LAMA3: variants seen among roughly 807,000 people sequenced by gnomAD.
LAMA3 encodes laminin subunit alpha 3.
LAMA3 carries 281 observed loss-of-function variants against 402.0 expected under a neutral mutation model. The observed-to-expected ratio is 0.70, with a 90% CI of 0.63 to 0.77. The LOEUF is 0.77. LAMA3 is among the 30% of genes least tolerant of loss of function. The pLI, the probability that LAMA3 is intolerant of heterozygous loss-of-function variation, is 0.00. For synonymous variants in LAMA3, 1,431 were observed against 1,558.4 expected, an observed-to-expected ratio of 0.92 and a Z score of 1.93; for missense variants, 3,840 against 4,215.5, an observed-to-expected ratio of 0.91 and a Z score of 2.47.
At chr18:23,846,848 C>T (rs1387259228) in intron 31 of LAMA3, among the ~76,000 whole-genome samples, 5 of 152,222 alleles carry the variant, frequency 3.3e-5, no homozygotes, top group East Asian at 3.9e-4. Flanking sequence ...TGATCCCCTT[C>T]GTCACAGAAG....
At chr18:23,748,931 G>A (rs2061698432) in intron 3 of LAMA3, among the ~76,000 whole-genome samples, 1 of 152,198 alleles carries the variant, frequency 6.6e-6, no homozygotes, top group Non-Finnish European at 1.5e-5. Context: ...CCTGTAAGAT[G>A]GTAGAAGCTG....
rs542838924 is a variant in LAMA3, at chr18:23,937,661, C to T, written c.8863-1562C>T. On this transcript the variant is annotated intron_variant, in intron 67 of 74. Transcript: ENST00000313654. ...TCTTGATGCTTATGCTGCTGACACACGGAGAAGACTCCAGAGAGGGAGCAA... is the reference window on the plus strand; with the variant it reads ...TCTTGATGCTTATGCTGCTGACACATGGAGAAGACTCCAGAGAGGGAGCAA... Among the ~76,000 whole-genome samples the T allele has an allele frequency of 5.9e-5, 9 of 152,216 alleles. No individual in the cohort carries two copies. In the South Asian group the frequency reaches 6.2e-4, roughly 11 times the overall value.
At chr18:23,901,007 C>T in intron 47 of LAMA3, 120 bp from the exon 48 acceptor site, 2 of 896,158 alleles carry the variant, frequency 2.2e-6, no homozygotes, top group East Asian at 2.6e-5. Flanking sequence ...TTCCCATCCC[C>T]TCCAAAGTTC....
chr18:23,725,114 CTT>C (rs200486038), intron 2 of LAMA3, among the ~76,000 whole-genome samples: 3 of 145,606 alleles, frequency 2.1e-5, no homozygotes, highest in African/African-American at 2.5e-5. Flanking sequence ...ACTCACCATT[CTT>C]TTTTTTTTTT....
intron 2 of LAMA3, among the ~76,000 whole-genome samples, chr18:23,724,426 T>G (rs1324349491): frequency 6.6e-6 from 1 of 152,192 alleles, no homozygotes; most frequent in Non-Finnish European, 1.5e-5. Context: ...GTTTTCCTGA[T>G]GTCCTCTGTC....
chr18:23,710,036 G>A (rs1282876763), intron 1 of LAMA3: 6 of 770,280 alleles, frequency 7.8e-6, no homozygotes, highest in South Asian at 1.3e-5. Context: ...TCTTCATGGC[G>A]GACTCAGTGG....
At chr18:23,872,354 C>T (rs571360448) in intron 38 of LAMA3, among the ~76,000 whole-genome samples, 2 of 152,244 alleles carry the variant, frequency 1.3e-5, no homozygotes, top group African/African-American at 2.4e-5. Flanking sequence ...TAAAATGTGC[C>T]ATAAAATGAA....
At chr18:23,739,464 T>C (rs143684288) in intron 2 of LAMA3, among the ~76,000 whole-genome samples, 34 of 152,300 alleles carry the variant, frequency 2.2e-4, no homozygotes, top group Middle Eastern at 3.4e-3. Context: ...GTCAAAAACG[T>C]TTCTGAAGTG....
chr18:23,710,498 A>G (rs964932670), intron 1 of LAMA3, among the ~76,000 whole-genome samples: 1 of 152,228 alleles, frequency 6.6e-6, no homozygotes, highest in Non-Finnish European at 1.5e-5. Context: ...TTAATTCTCC[A>G]TGAAGAGCTC....
At chr18:23,814,062 C>T (rs2063129580) in intron 14 of LAMA3, among the ~76,000 whole-genome samples, 1 of 152,182 alleles carries the variant, frequency 6.6e-6, no homozygotes, top group African/African-American at 2.4e-5. Context: ...GTTAAATATT[C>T]AGACATTTTT....
intron 8 of LAMA3, among the ~76,000 whole-genome samples, chr18:23,772,794 A>G (rs950081625): frequency 2.6e-5 from 4 of 152,164 alleles, no homozygotes; most frequent in African/African-American, 4.8e-5. Flanking sequence ...TTGTCCTCCT[A>G]ATTATTCCCA....
chr18:23,901,030 G>A, intron 47 of LAMA3, 97 bp from the exon 48 acceptor site: 3 of 1,109,942 alleles, frequency 2.7e-6, no homozygotes, highest in Non-Finnish European at 4.1e-6. Context: ...GGAAAACCAT[G>A]AAATGAGTAG....
chr18:23,739,146 C>T (rs986418739), intron 2 of LAMA3, among the ~76,000 whole-genome samples: 5 of 152,186 alleles, frequency 3.3e-5, no homozygotes, highest in African/African-American at 1.2e-4. Context: ...GTTGGTGCCT[C>T]TGCAGATGCA....
intron 1 of LAMA3, among the ~76,000 whole-genome samples, chr18:23,701,420 C>T (rs2060787523): frequency 1.3e-5 from 2 of 152,232 alleles, no homozygotes; most frequent in Admixed American, 6.6e-5. Flanking sequence ...GTAGAAGAAG[C>T]GAGTCTAGAT....
At position 23,895,802 on chromosome 18, in the gene LAMA3, T is replaced by A. The variant is rs532765928; in HGVS notation, c.5613+744T>A. Among the ~76,000 whole-genome samples the A allele has an allele frequency of 1.7e-3, 257 of 152,318 alleles. 1 individual carries two copies. The highest frequency in any genetic ancestry group is 5.9e-3 in the African/African-American group (246 of 41,574). On this transcript the variant is annotated intron_variant, in intron 44 of 74. Coordinates refer to ENST00000313654, the MANE Select transcript of LAMA3 (RefSeq NM_198129.4). Reference sequence around the variant, plus strand: ...ATTGATTTCTGTTCTTATCCTTTTTTTTTCCTTCCTTGTGCTTGCTTTGGG... The same window carrying A: ...ATTGATTTCTGTTCTTATCCTTTTTATTTCCTTCCTTGTGCTTGCTTTGGG...
intron 42 of LAMA3, among the ~76,000 whole-genome samples, chr18:23,890,604 G>A (rs758877860): frequency 2.0e-5 from 3 of 152,106 alleles, no homozygotes; most frequent in Non-Finnish European, 2.9e-5. Context: ...AGTTAGTATG[G>A]TTTATTAGGA....
chr18:23,697,706 C>T (rs7236794), intron 1 of LAMA3, among the ~76,000 whole-genome samples: 20 of 127,246 alleles, frequency 1.6e-4, no homozygotes, highest in South Asian at 2.8e-4. Context: ...ACCCGCCCCC[C>T]GCCCCAAAAA....
At chr18:23,909,385 C>T (rs965631913) in intron 55 of LAMA3, 90 bp downstream of exon 55, 6 of 1,228,952 alleles carry the variant, frequency 4.9e-6, no homozygotes, top group Non-Finnish European at 7.1e-6. Context: ...CTTATTTACT[C>T]AAGAATTGGT....
chr18:23,888,862 G>A (rs1035628862), intron 41 of LAMA3, among the ~76,000 whole-genome samples: 6 of 151,728 alleles, frequency 4.0e-5, no homozygotes, highest in African/African-American at 1.5e-4. Flanking sequence ...ACTGGATGGG[G>A]AGTGGAACTT....
Sources: allele counts gnomAD v4.1 joint callset (sites outside exome capture counted in the v4.1 genomes callset), GRCh38; gene constraint gnomAD v4.1.1; transcripts MANE v1.5; gene names NCBI Gene and HGNC (gene_info 2026-07-23, HGNC 2026-07-21).